Variants in POT1 observed in about 807,000 individuals in gnomAD.
POT1 encodes the protein protection of telomeres protein 1.
POT1 carries 47 observed loss-of-function variants against 78.5 expected under a neutral mutation model. That is an observed-to-expected ratio of 0.60 (90% confidence interval 0.47 to 0.76). POT1 has a LOEUF of 0.76. Among genes scored for constraint, POT1 ranks in the 30% least tolerant of loss-of-function variants. POT1 has a pLI of 0.00. For missense variants in POT1, 646 were observed against 749.9 expected (o/e 0.86, Z 1.62); for synonymous variants, 259 against 260.7 (o/e 0.99, Z 0.06).
chr7:124,892,382 TAAAG>T lies in POT1; in HGVS notation c.10-6_10-3del. 1 of 1,383,638 alleles carries T rather than the reference TAAAG, an allele frequency of 7.2e-7. No homozygotes were observed. Among genetic ancestry groups the T allele is most frequent in the African/African-American group, 1.5e-5 (1 of 65,760 alleles). 85.7% of individuals were successfully genotyped at this position (1,383,638 alleles called of 1,614,324 possible). ...ATATATATAATTTGTTGCTGGAACC[TAAAG>T]AAAGAGAAGACAGTGAATACATTTA... is the stretch of plus-strand genomic sequence containing the variant. On this transcript the variant is annotated splice_polypyrimidine_tract_variant and splice_region_variant and intron_variant, in intron 5 of 18. Coordinates refer to ENST00000357628, the MANE Select transcript of POT1 (RefSeq NM_015450.3).
chr7:124,827,460 T>C (rs946125783), intron 16 of POT1, among the ~76,000 whole-genome samples, 155 bp from the exon 17 acceptor site: 4 of 152,232 alleles, frequency 2.6e-5, no homozygotes, highest in Non-Finnish European at 4.4e-5. Flanking sequence ...TCCAGGTAGA[T>C]AGTGTCAGAA....
At chr7:124,862,217 A>G (rs920209767) in intron 8 of POT1, among the ~76,000 whole-genome samples, 1 of 152,212 alleles carries the variant, frequency 6.6e-6, no homozygotes, top group African/African-American at 2.4e-5. Flanking sequence ...GAGAAAATGT[A>G]GACTCAACTA....
At chr7:124,828,319 A>T (rs1794680196) in intron 16 of POT1, among the ~76,000 whole-genome samples, 1 of 152,190 alleles carries the variant, frequency 6.6e-6, no homozygotes, top group Admixed American at 6.5e-5. Flanking sequence ...ATTTGGTAAG[A>T]TAAGGAAGAA....
rs754651165 is a variant in POT1, at chr7:124,863,215, G to C, written c.546+135C>G. On this transcript the variant is annotated intron_variant, in intron 8 of 18. Transcript: ENST00000357628. ...TAGAGCTGCATGAATATTGAGGCTC[G>C]TCAAAAATAGTTAAAATTTAAGTTC... is the stretch of plus-strand genomic sequence containing the variant. 5 of 830,718 alleles carry C rather than the reference G, an allele frequency of 6.0e-6. No homozygotes were observed. In the East Asian group the frequency reaches 1.3e-4, roughly 22 times the overall value. The allele number at this position is 830,718 out of a possible 1,614,324, so 51.5% of individuals were successfully genotyped here.
intron 12 of POT1, among the ~76,000 whole-genome samples, chr7:124,845,236 A>T (rs1049260929): frequency 3.3e-5 from 5 of 152,214 alleles, no homozygotes; most frequent in African/African-American, 9.6e-5. Context: ...CAAGTCTAAG[A>T]TCCAATTCTG....
rs139029263 is a variant in POT1, at chr7:124,897,049, A to G, written c.9+116T>C. On this transcript the variant is annotated intron_variant, in intron 5 of 18. Transcript: ENST00000357628. ...AAGATTATGTTTTTCCAGTGTATTG[A>G]TAATATATCAATATCAGACTACAAA... The G allele has an allele frequency of 5.5e-3, 2,926 of 532,100 alleles. 9 individuals carry two copies. Among genetic ancestry groups the G allele is most frequent in the Non-Finnish European group, 7.4e-3 (2,323 of 311,824 alleles). 33.0% of individuals were successfully genotyped at this position (532,100 alleles called of 1,614,324 possible). A position where few individuals can be genotyped will look rare whatever the true frequency, so the allele number is the denominator to read the frequency against.
At chr7:124,844,094 C>CATCAG in intron 12 of POT1, among the ~76,000 whole-genome samples, 1 of 149,178 alleles carries the variant, frequency 6.7e-6, no homozygotes, top group East Asian at 2.0e-4. Context: ...ACATTTATTA[C>CATCAG]AGTGGAACAT....
chr7:124,865,765 G>A (rs577875626), intron 7 of POT1, among the ~76,000 whole-genome samples: 1 of 151,694 alleles, frequency 6.6e-6, no homozygotes, highest in South Asian at 2.1e-4. Context: ...GGAATGCAGT[G>A]GTGTAATAAT....
intron 3 of POT1, among the ~76,000 whole-genome samples, 154 bp downstream of exon 3, chr7:124,915,420 A>G (rs1250887920): frequency 1.3e-5 from 2 of 152,218 alleles, no homozygotes; most frequent in African/African-American, 4.8e-5. Context: ...TTTAAGTCAC[A>G]TAAGTGAAAC....
At chr7:124,904,485 G>T (rs897031013) in intron 3 of POT1, among the ~76,000 whole-genome samples, 2 of 152,084 alleles carry the variant, frequency 1.3e-5, no homozygotes, top group African/African-American at 4.8e-5. Context: ...AGGTATTGAT[G>T]GGATGTATCT....
At chr7:124,926,304 G>T (rs1313485858) in intron 2 of POT1, among the ~76,000 whole-genome samples, 1 of 152,020 alleles carries the variant, frequency 6.6e-6, no homozygotes, top group Non-Finnish European at 1.5e-5. Flanking sequence ...TTCAGAAGAA[G>T]ATAAACAAAT....
chr7:124,859,626 G>C (rs1795535385), intron 8 of POT1, among the ~76,000 whole-genome samples: 1 of 151,022 alleles, frequency 6.6e-6, no homozygotes, highest in African/African-American at 2.4e-5. Flanking sequence ...TGATTTTCTG[G>C]TTCACATTAT....
Position 124,907,554 on chromosome 7 carries a change from G to C in POT1, c.-154+8020C>G, listed in dbSNP as rs531579230. ...AGCACAGACGATTTTTAGGGCAGTG[G>C]AAAATACTCTATAAGGTACTATAAT... On this transcript the variant is annotated intron_variant, in intron 3 of 18. Transcript: ENST00000357628. Among the ~76,000 whole-genome samples the C allele has an allele frequency of 1.1e-4, 16 of 152,108 alleles. No homozygotes were observed. The South Asian group carries it at 3.1e-3, about 30-fold the overall frequency.
At chr7:124,855,690 A>G (rs560632106) in intron 9 of POT1, among the ~76,000 whole-genome samples, 4 of 151,894 alleles carry the variant, frequency 2.6e-5, no homozygotes, top group African/African-American at 4.8e-5. Flanking sequence ...TAAAAAAAAA[A>G]GCAAAGTAAA....
chr7:124,834,704 G>C (rs1331914973), intron 15 of POT1, among the ~76,000 whole-genome samples: 1 of 152,158 alleles, frequency 6.6e-6, no homozygotes, highest in African/African-American at 2.4e-5. Flanking sequence ...CAAGGATCTA[G>C]AACTAGAAAT....
At chr7:124,880,778 C>T (rs1796098953) in intron 6 of POT1, among the ~76,000 whole-genome samples, 1 of 149,148 alleles carries the variant, frequency 6.7e-6, no homozygotes, top group Non-Finnish European at 1.5e-5. Flanking sequence ...AAAGACTCTC[C>T]TTTCTCAAAT....
intron 9 of POT1, among the ~76,000 whole-genome samples, chr7:124,857,609 G>A (rs1489896700): frequency 6.6e-6 from 1 of 152,170 alleles, no homozygotes; most frequent in Non-Finnish European, 1.5e-5. Context: ...CAGAGGGACA[G>A]CTTGATGGTG....
intron 3 of POT1, among the ~76,000 whole-genome samples, chr7:124,913,896 G>T (rs1796950959): frequency 6.6e-6 from 1 of 152,032 alleles, no homozygotes; most frequent in Non-Finnish European, 1.5e-5. Context: ...AGCACTTTGG[G>T]AGGCCGAGGT....
At position 124,887,178 on chromosome 7, in the gene POT1, T is replaced by C. The variant is rs189622558; in HGVS notation, c.124+5088A>G. The stretch of plus-strand genomic sequence containing the variant: ...GTATGTGAGTTTATGTTGAACAGTA[T>C]GATGGGGTGGGGAAATGAAGACTCT... On this transcript the variant is annotated intron_variant, in intron 6 of 18. Coordinates refer to ENST00000357628, the MANE Select transcript of POT1 (RefSeq NM_015450.3). Among the ~76,000 whole-genome samples, 177 of 152,182 alleles carry C rather than the reference T, an allele frequency of 1.2e-3. 1 individual carries two copies. The highest frequency in any genetic ancestry group is 3.9e-3 in the African/African-American group (161 of 41,536).
Sources: gnomAD v4.1 joint callset for allele counts (sites outside exome capture counted in the v4.1 genomes callset) on GRCh38, gnomAD v4.1.1 for gene constraint, MANE v1.5 for transcripts, NCBI Gene and HGNC (gene_info 2026-07-23, HGNC 2026-07-21) for gene names.